The following TAFA1 variants were observed in gnomAD, a reference collection of about 807,000 sequenced individuals.
The protein encoded by TAFA1 is chemokine-like protein TAFA-1.
Under a neutral mutation model 18.5 loss-of-function variants are expected in TAFA1, and 4 were observed. That is an observed-to-expected ratio of 0.22 (90% confidence interval 0.11 to 0.49). The LOEUF (loss-of-function observed/expected upper bound fraction) is 0.49, where lower values mean the gene tolerates loss of function less well. Among genes scored for constraint, TAFA1 ranks in the 20% least tolerant of loss-of-function variants. The pLI is 0.98. For missense variants in TAFA1, 147 were observed against 169.0 expected, an observed-to-expected ratio of 0.87 and a Z score of 0.72; for synonymous variants, 56 against 55.2, an observed-to-expected ratio of 1.01 and a Z score of -0.06.
chr3:68,289,758 G>C (rs545210364), intron 2 of TAFA1, among the ~76,000 whole-genome samples: 1 of 152,128 alleles, frequency 6.6e-6, no homozygotes, highest in Admixed American at 6.5e-5. Context: ...AGAAATTAAG[G>C]GTGTCTCCTT....
chr3:68,303,449 G>GTT (rs200192643), intron 2 of TAFA1, among the ~76,000 whole-genome samples: 1 of 150,984 alleles, frequency 6.6e-6, no homozygotes. Flanking sequence ...AATTCTTTTT[G>GTT]TTTTTTTTTG....
intron 3 of TAFA1, among the ~76,000 whole-genome samples, chr3:68,509,778 A>G (rs2072818648): frequency 6.6e-6 from 1 of 152,126 alleles, no homozygotes; most frequent in African/African-American, 2.4e-5. Context: ...AGAAGAGCAA[A>G]GGAAAGTCCC....
chr3:68,202,683 C>G (rs1049587841), intron 2 of TAFA1, among the ~76,000 whole-genome samples: 1 of 151,556 alleles, frequency 6.6e-6, no homozygotes, highest in African/African-American at 2.4e-5. Flanking sequence ...AATAACAAAA[C>G]AATACTAATT....
At chr3:68,275,368 A>G (rs117308420) in intron 2 of TAFA1, among the ~76,000 whole-genome samples, 1 of 152,248 alleles carries the variant, frequency 6.6e-6, no homozygotes, top group East Asian at 1.9e-4. Flanking sequence ...AAAGGCTTCA[A>G]AAGAATGTGT....
intron 3 of TAFA1, among the ~76,000 whole-genome samples, chr3:68,534,030 T>A (rs1330478505): frequency 6.6e-6 from 1 of 152,180 alleles, no homozygotes; most frequent in Non-Finnish European, 1.5e-5. Flanking sequence ...CCCGTATATA[T>A]ATGTCTTTGA....
chr3:68,287,103 T>G (rs1223704015), intron 2 of TAFA1, among the ~76,000 whole-genome samples: 2 of 152,344 alleles, frequency 1.3e-5, no homozygotes, highest in African/African-American at 4.8e-5. Context: ...GCTCTGCATG[T>G]CCAAGTGGAG....
intron 2 of TAFA1, among the ~76,000 whole-genome samples, chr3:68,409,972 C>T (rs151057358): frequency 1.1e-3 from 174 of 152,240 alleles, no homozygotes; most frequent in Middle Eastern, 3.4e-3. Context: ...CATTATCCTT[C>T]GCAATTTATC....
chr3:68,264,745 T>C (rs957902784), intron 2 of TAFA1, among the ~76,000 whole-genome samples: 1 of 151,864 alleles, frequency 6.6e-6, no homozygotes, highest in African/African-American at 2.4e-5. Flanking sequence ...TCTATATAAT[T>C]TCTATAAAGA....
intron 2 of TAFA1, among the ~76,000 whole-genome samples, chr3:68,263,788 T>C (rs1025076508): frequency 2.0e-5 from 3 of 152,102 alleles, no homozygotes; most frequent in African/African-American, 7.2e-5. Flanking sequence ...TAGGTCTTTT[T>C]ATTACACTAT....
At chr3:68,213,362 G>GT (rs1297765497) in intron 2 of TAFA1, among the ~76,000 whole-genome samples, 5 of 152,000 alleles carry the variant, frequency 3.3e-5, no homozygotes, top group African/African-American at 1.2e-4. Flanking sequence ...GAATGTCATC[G>GT]TTATTTTCTT....
At chr3:68,146,306 T>C (rs1227387719) in intron 2 of TAFA1, among the ~76,000 whole-genome samples, 1 of 152,174 alleles carries the variant, frequency 6.6e-6, no homozygotes, top group Non-Finnish European at 1.5e-5. Context: ...ACACTTTGTG[T>C]AGCAAGGTGT....
chr3:68,543,728 T>A (rs2073414135), intron 4 of TAFA1, among the ~76,000 whole-genome samples: 2 of 152,138 alleles, frequency 1.3e-5, no homozygotes, highest in Admixed American at 6.6e-5. Context: ...CTATTAGAAT[T>A]GTTATTTATG....
At chr3:68,448,096 G>A (rs936129710) in intron 3 of TAFA1, among the ~76,000 whole-genome samples, 1 of 152,138 alleles carries the variant, frequency 6.6e-6, no homozygotes, top group Non-Finnish European at 1.5e-5. Context: ...GAGCAGTAGG[G>A]TGTGTGAGAG....
chr3:68,354,486 C>A (rs772540178), intron 2 of TAFA1, among the ~76,000 whole-genome samples: 1 of 151,874 alleles, frequency 6.6e-6, no homozygotes, highest in East Asian at 1.9e-4. Context: ...AACTGACAAC[C>A]GCCATTACCA....
intron 2 of TAFA1, among the ~76,000 whole-genome samples, chr3:68,120,875 C>T (rs2065390738): frequency 6.6e-6 from 1 of 152,098 alleles, no homozygotes; most frequent in South Asian, 2.1e-4. Flanking sequence ...ATATTTTTCC[C>T]AGGTACCTAT....
intron 2 of TAFA1, among the ~76,000 whole-genome samples, chr3:68,282,090 C>T (rs1169670027): frequency 6.6e-6 from 1 of 152,068 alleles, no homozygotes; most frequent in Non-Finnish European, 1.5e-5. Flanking sequence ...GAGAAAGGCC[C>T]CTTATGAAAC....
chr3:68,048,819 C>A (rs1472067830), intron 2 of TAFA1, among the ~76,000 whole-genome samples: 1 of 152,160 alleles, frequency 6.6e-6, no homozygotes, highest in Non-Finnish European at 1.5e-5. Context: ...GAATAGTACT[C>A]TATTGTGCGT....
chr3:68,299,711 G>A (rs1336973804), intron 2 of TAFA1, among the ~76,000 whole-genome samples: 1 of 152,192 alleles, frequency 6.6e-6, no homozygotes, highest in Non-Finnish European at 1.5e-5. Flanking sequence ...ATACTTCTGT[G>A]GACCAAGTCT....
chr3:68,428,883 A>G (rs1436920913), intron 3 of TAFA1, among the ~76,000 whole-genome samples: 2 of 151,930 alleles, frequency 1.3e-5, no homozygotes, highest in Non-Finnish European at 2.9e-5. Context: ...CTATGCACTA[A>G]TTTTGCTTTA....
Sources: allele counts gnomAD v4.1 joint callset (sites outside exome capture counted in the v4.1 genomes callset), GRCh38; gene constraint gnomAD v4.1.1; transcripts MANE v1.5; gene names NCBI Gene and HGNC (gene_info 2026-07-23, HGNC 2026-07-21).